Variants in MARCHF6 observed in about 807,000 individuals in gnomAD.
MARCHF6 encodes the protein E3 ubiquitin-protein ligase MARCHF6.
MARCHF6 carries 31 observed loss-of-function variants against 133.7 expected under a neutral mutation model. The ratio of observed to expected loss-of-function variants is 0.23; its 90% CI spans 0.17 to 0.31. The LOEUF (loss-of-function observed/expected upper bound fraction) is 0.31, where lower values mean the gene tolerates loss of function less well. Among genes scored for constraint, MARCHF6 ranks in the 10% least tolerant of loss-of-function variants. The probability of loss-of-function intolerance (pLI) is 1.00; values close to 1 mark genes in which losing one functional copy is unlikely to be tolerated. For synonymous variants in MARCHF6, 395 were observed against 402.5 expected (o/e 0.98, Z 0.22); for missense variants, 723 against 1,121.6 (o/e 0.64, Z 5.08).
chr5:10,354,201 G>C (rs957043903), intron 1 of MARCHF6, among the ~76,000 whole-genome samples: 2 of 152,172 alleles, frequency 1.3e-5, no homozygotes, highest in African/African-American at 4.8e-5. Flanking sequence ...GGCCTCCCTT[G>C]TCCCCGCCGT....
At position 10,377,047 on chromosome 5, in the gene MARCHF6, C is replaced by T. The variant is rs544814701; in HGVS notation, c.20-751C>T. 1.6e-4 allele frequency among the ~76,000 whole-genome samples: 24 copies of T among 152,218 alleles called. No individual in the cohort carries two copies. In the South Asian group the frequency reaches 4.8e-3, roughly 30 times the overall value. On this transcript the variant is annotated intron_variant, in intron 1 of 25. Coordinates refer to ENST00000274140, the MANE Select transcript of MARCHF6 (RefSeq NM_005885.4). ...GGGTAGGAGCTTTAGAGCGAGAGTGCGAAGGATCCGTCGCGGTTCCTCTGC... is the reference window on the plus strand; with the variant it reads ...GGGTAGGAGCTTTAGAGCGAGAGTGTGAAGGATCCGTCGCGGTTCCTCTGC...
At chr5:10,376,404 C>T (rs767365144) in intron 1 of MARCHF6, among the ~76,000 whole-genome samples, 4 of 151,974 alleles carry the variant, frequency 2.6e-5, no homozygotes, top group African/African-American at 7.3e-5. Context: ...CGAACACGTC[C>T]GAACATCAGA....
chr5:10,411,816 G>A (rs970276120), intron 19 of MARCHF6, among the ~76,000 whole-genome samples: 1 of 152,212 alleles, frequency 6.6e-6, no homozygotes, highest in African/African-American at 2.4e-5. Flanking sequence ...TCAACAGTGT[G>A]TCAGGAACTA....
intron 1 of MARCHF6, among the ~76,000 whole-genome samples, chr5:10,370,066 A>G (rs956429700): frequency 6.8e-6 from 1 of 147,814 alleles, no homozygotes; most frequent in Non-Finnish European, 1.5e-5. Flanking sequence ...TTGCCCTTTC[A>G]ATAGGTATGG....
chr5:10,367,124 T>G (rs965014030), intron 1 of MARCHF6, among the ~76,000 whole-genome samples: 1 of 152,168 alleles, frequency 6.6e-6, no homozygotes, highest in Non-Finnish European at 1.5e-5. Context: ...TGACCAGTAC[T>G]CCTTAAAATT....
At chr5:10,384,701 A>G (rs1355900260) in intron 4 of MARCHF6, among the ~76,000 whole-genome samples, 5 of 152,208 alleles carry the variant, frequency 3.3e-5, no homozygotes, top group Admixed American at 1.3e-4. Flanking sequence ...GACAGTGCCA[A>G]ATGTTGCTCA....
At chr5:10,424,031 GT>G (rs543351133) in intron 23 of MARCHF6, among the ~76,000 whole-genome samples, 1 of 142,618 alleles carries the variant, frequency 7.0e-6, no homozygotes, top group African/African-American at 2.6e-5. Context: ...CTCAACCCTT[GT>G]TTTTTTTAGT....
chr5:10,384,868 A>G (rs1468952124), intron 4 of MARCHF6, among the ~76,000 whole-genome samples: 2 of 152,206 alleles, frequency 1.3e-5, no homozygotes, highest in African/African-American at 4.8e-5. Flanking sequence ...CAGAACAAGA[A>G]CTTTCTGTTC....
chr5:10,391,651 C>A lies in MARCHF6; in HGVS notation c.686C>A (p.Ala229Glu). 1 of 1,610,418 alleles carries A rather than the reference C, an allele frequency of 6.2e-7. No homozygotes were observed. Among genetic ancestry groups the A allele is most frequent in the Non-Finnish European group, 8.5e-7 (1 of 1,178,538 alleles). ...AACCCTGATGCCCAGGATGACCAGGCAGAAGAGGAGGAGGAGGACAATGAG... is the reference window on the plus strand; with the variant it reads ...AACCCTGATGCCCAGGATGACCAGGAAGAAGAGGAGGAGGAGGACAATGAG... ...GENPDAQDDQ[A>E]EEEEEDNEEE... Residue 229 changes from alanine (A) to glutamate (E), a missense_variant, in exon 7 of 26, where the codon GCA (alanine) becomes GAA (glutamate). By Grantham distance (107) the Ala-to-Glu change is moderately radical. This residue lies in a region of MARCHF6 where 97 missense variants were observed against 115.4 expected (regional missense o/e 0.84). Coordinates refer to ENST00000274140, the MANE Select transcript of MARCHF6 (RefSeq NM_005885.4).
intron 24 of MARCHF6, among the ~76,000 whole-genome samples, chr5:10,429,146 G>T (rs371676936): frequency 6.6e-6 from 1 of 152,002 alleles, no homozygotes; most frequent in Non-Finnish European, 1.5e-5. Context: ...TCCACCTGAC[G>T]GTATTAATTT....
chr5:10,411,535 A>G lies in MARCHF6; in HGVS notation c.1894A>G (p.Arg632Gly). 6.2e-7 allele frequency: 1 copy of G among 1,613,364 alleles called. No homozygotes were observed. Among genetic ancestry groups the G allele is most frequent in the Non-Finnish European group, 8.5e-7 (1 of 1,179,610 alleles). The change falls in exon 19 of 26, where the codon AGG (arginine) becomes GGG (glycine). Residue 632 changes from arginine to glycine, a missense_variant and splice_region_variant. Around this residue, in one of 4 missense-constraint regions of MARCHF6, gnomAD observed 492 missense variants for 699.5 expected, o/e 0.70. Coordinates refer to ENST00000274140, the MANE Select transcript of MARCHF6 (RefSeq NM_005885.4). ...CCGCCGACCTTTAAATTTTCCACTCAGGGTAGGTGCTATACAGACTTAATC... is the reference window on the plus strand; with the variant it reads ...CCGCCGACCTTTAAATTTTCCACTCGGGGTAGGTGCTATACAGACTTAATC... The part of the protein sequence containing the change: ...PYRRPLNFPL[R>G]IFLLIVFMCI...
chr5:10,399,648 C>A (rs928066868), intron 10 of MARCHF6, among the ~76,000 whole-genome samples: 1 of 152,130 alleles, frequency 6.6e-6, no homozygotes, highest in Non-Finnish European at 1.5e-5. Flanking sequence ...TACAAAATTA[C>A]TAGAATTTGG....
chr5:10,390,835 A>AT (rs1737785025), intron 6 of MARCHF6, among the ~76,000 whole-genome samples: 1 of 152,194 alleles, frequency 6.6e-6, no homozygotes, highest in African/African-American at 2.4e-5. Flanking sequence ...ATGTATGTAC[A>AT]TTTTTTTAAA....
At chr5:10,396,360 C>T (rs71599528) in intron 9 of MARCHF6, among the ~76,000 whole-genome samples, 17 of 152,136 alleles carry the variant, frequency 1.1e-4, no homozygotes, top group East Asian at 9.7e-4. Flanking sequence ...GGAGATTTTC[C>T]GCGAAGATAA....
At chr5:10,415,707 G>T in intron 21 of MARCHF6, 38 bp downstream of exon 21, 4 of 1,475,450 alleles carry the variant, frequency 2.7e-6, no homozygotes, top group South Asian at 2.9e-5. Flanking sequence ...TTGTATGTTA[G>T]GAATAGTGAA....
At position 10,400,746 on chromosome 5, in the gene MARCHF6, A is replaced by G. The variant is rs763695495; in HGVS notation, c.914-38A>G. 1.3e-5 allele frequency: 19 copies of G among 1,451,556 alleles called. No homozygotes were observed. In the South Asian group the frequency reaches 2.1e-4, roughly 16 times the overall value. 89.9% of individuals were successfully genotyped at this position (1,451,556 alleles called of 1,614,324 possible). A position where few individuals can be genotyped will look rare whatever the true frequency, so the allele number is the denominator to read the frequency against. ...TGTAGTAGGAGTGTTCATTGTTTTG[A>G]TGTCGGAGTTTTCATGGAATTTTTT... is the stretch of plus-strand genomic sequence containing the variant. On this transcript the variant is annotated intron_variant, in intron 10 of 25. Coordinates refer to ENST00000274140, the MANE Select transcript of MARCHF6 (RefSeq NM_005885.4).
At chr5:10,410,659 C>G (rs1739174777) in intron 18 of MARCHF6, among the ~76,000 whole-genome samples, 1 of 151,932 alleles carries the variant, frequency 6.6e-6, no homozygotes, top group Non-Finnish European at 1.5e-5. Context: ...TCTCAATCTT[C>G]TAGTGAACAT....
chr5:10,354,155 C>A (rs1735291787), intron 1 of MARCHF6, among the ~76,000 whole-genome samples: 1 of 151,902 alleles, frequency 6.6e-6, no homozygotes, highest in South Asian at 2.1e-4. Flanking sequence ...GGGCCGGGGC[C>A]GGGGTCGGGG....
chr5:10,388,987 TA>T (rs1737645528), intron 5 of MARCHF6, among the ~76,000 whole-genome samples: 1 of 152,198 alleles, frequency 6.6e-6, no homozygotes, highest in Admixed American at 6.5e-5. Flanking sequence ...AGGTGGTAGT[TA>T]GGATTCCTCT....
Sources: gnomAD v4.1 joint callset for allele counts (sites outside exome capture counted in the v4.1 genomes callset) on GRCh38, gnomAD v4.1.1 for gene constraint, gnomAD v4.1.1 regional missense constraint, MANE v1.5 for transcripts, NCBI Gene and HGNC (gene_info 2026-07-23, HGNC 2026-07-21) for gene names.